LRP1B: variants seen among roughly 807,000 people sequenced by gnomAD.
The protein encoded by LRP1B is LDL receptor related protein 1B, also known as low-density lipoprotein receptor-related protein 1B.
LRP1B carries 217 observed loss-of-function variants against 556.6 expected under a neutral mutation model. The observed-to-expected ratio is 0.39, with a 90% CI of 0.35 to 0.44. The LOEUF is 0.44. Ranked by LOEUF, LRP1B falls within the 20% of genes least tolerant of loss-of-function variation. The pLI, the probability that LRP1B is intolerant of heterozygous loss-of-function variation, is 1.00. For synonymous variants in LRP1B, 2,047 were observed against 1,865.8 expected, an observed-to-expected ratio of 1.10 and a Z score of -2.50; for missense variants, 5,053 against 5,620.8, an observed-to-expected ratio of 0.90 and a Z score of 3.23.
intron 12 of LRP1B, among the ~76,000 whole-genome samples, chr2:141,017,686 T>C (rs929832767): frequency 6.6e-6 from 1 of 151,790 alleles, no homozygotes; most frequent in African/African-American, 2.4e-5. Flanking sequence ...CACACACATA[T>C]ATATATATGC....
intron 37 of LRP1B, among the ~76,000 whole-genome samples, chr2:140,705,554 A>C (rs13394396): frequency 0.15 from 17,496 of 119,544 alleles, 1,057 homozygotes; most frequent in African/African-American, 0.19. Context: ...AAAAAAAAAA[A>C]AAAAAACACA....
chr2:141,908,518 G>C (rs760184774), intron 1 of LRP1B, among the ~76,000 whole-genome samples: 3 of 151,896 alleles, frequency 2.0e-5, no homozygotes, highest in Non-Finnish European at 4.4e-5. Context: ...AATGTGCTGT[G>C]CTCATAGTAA....
chr2:141,514,635 T>G (rs1559114719), intron 2 of LRP1B, among the ~76,000 whole-genome samples: 2 of 152,132 alleles, frequency 1.3e-5, no homozygotes, highest in Non-Finnish European at 2.9e-5. Flanking sequence ...TATATCCCAA[T>G]AAAACCATCA....
chr2:140,786,333 G>A (rs1020147547), intron 32 of LRP1B, among the ~76,000 whole-genome samples: 5 of 152,122 alleles, frequency 3.3e-5, no homozygotes, highest in African/African-American at 1.2e-4. Context: ...AAAACTATTT[G>A]GAATGAGAGA....
At chr2:140,863,435 G>A (rs77231520) in intron 27 of LRP1B, among the ~76,000 whole-genome samples, 5,963 of 152,128 alleles carry the variant, frequency 0.039, 180 homozygotes, top group South Asian at 0.094. Flanking sequence ...TCTGGGTAAC[G>A]CCCCCCAATA....
intron 2 of LRP1B, among the ~76,000 whole-genome samples, chr2:141,561,088 A>G (rs1256534323): frequency 6.6e-6 from 1 of 151,690 alleles, no homozygotes; most frequent in Non-Finnish European, 1.5e-5. Flanking sequence ...AAAGATTATG[A>G]GCTTTTTGAA....
intron 1 of LRP1B, among the ~76,000 whole-genome samples, chr2:141,975,221 A>G (rs1465225415): frequency 6.6e-6 from 1 of 152,022 alleles, no homozygotes; most frequent in African/African-American, 2.4e-5. Context: ...TTTTTGACCA[A>G]AGTGACACTT....
intron 3 of LRP1B, among the ~76,000 whole-genome samples, chr2:141,478,303 T>C (rs12479203): frequency 0.96 from 145,833 of 152,220 alleles, 70,179 homozygotes; most frequent in East Asian, 1. Flanking sequence ...TGTGTAATCA[T>C]CTCTGATGAA....
chr2:140,257,292 C>A (rs1210371642), intron 86 of LRP1B, among the ~76,000 whole-genome samples: 2 of 151,980 alleles, frequency 1.3e-5, no homozygotes. Flanking sequence ...GAAAAGAGGT[C>A]TAATAAAGAC....
intron 25 of LRP1B, among the ~76,000 whole-genome samples, chr2:140,874,924 CG>C (rs1693258064): frequency 6.6e-6 from 1 of 151,368 alleles, no homozygotes; most frequent in East Asian, 2.0e-4. Context: ...GAGGCTGAGG[CG>C]GGAGAATTGC....
chr2:141,637,842 C>G (rs1689159910), intron 2 of LRP1B, among the ~76,000 whole-genome samples: 1 of 152,138 alleles, frequency 6.6e-6, no homozygotes, highest in Non-Finnish European at 1.5e-5. Context: ...GGGGGCAGAT[C>G]CCTTATGAAT....
At chr2:141,675,169 A>G (rs1258908530) in intron 2 of LRP1B, among the ~76,000 whole-genome samples, 1 of 151,982 alleles carries the variant, frequency 6.6e-6, no homozygotes, top group Non-Finnish European at 1.5e-5. Context: ...TGTACACTAA[A>G]TGCACTGCAA....
intron 7 of LRP1B, among the ~76,000 whole-genome samples, chr2:141,172,406 T>A (rs1249459): frequency 1 from 151,831 of 152,204 alleles, 75,729 homozygotes; most frequent in Middle Eastern, 1. Context: ...TGCAGCTCAG[T>A]TACGTTATGA....
intron 2 of LRP1B, among the ~76,000 whole-genome samples, chr2:141,537,725 T>C (rs956457769): frequency 6.6e-6 from 1 of 152,166 alleles, no homozygotes; most frequent in Non-Finnish European, 1.5e-5. Flanking sequence ...GAATGTATGA[T>C]GCTAATTTAC....
intron 42 of LRP1B, 128 bp downstream of exon 42, chr2:140,601,322 T>C: frequency 1.1e-6 from 1 of 901,186 alleles, no homozygotes; most frequent in Non-Finnish European, 1.5e-6. Flanking sequence ...AAAAAAGTTT[T>C]ATGAATTGTG....
chr2:140,462,042 C>T (rs1687346789), intron 60 of LRP1B, among the ~76,000 whole-genome samples: 2 of 152,060 alleles, frequency 1.3e-5, no homozygotes, highest in Non-Finnish European at 1.5e-5. Context: ...ATCAGTGATC[C>T]ATTAAGGTCA....
intron 66 of LRP1B, among the ~76,000 whole-genome samples, chr2:140,430,433 A>T (rs189227588): frequency 3.6e-4 from 55 of 152,306 alleles, no homozygotes; most frequent in African/African-American, 1.2e-3. Context: ...AGGCCGCTTC[A>T]CTTCCAAAGG....
At chr2:141,523,051 T>C (rs995120224) in intron 2 of LRP1B, among the ~76,000 whole-genome samples, 1 of 152,124 alleles carries the variant, frequency 6.6e-6, no homozygotes, top group Non-Finnish European at 1.5e-5. Flanking sequence ...ACCACCAGTT[T>C]ATTTTCTTCT....
At chr2:141,087,295 C>A (rs1038647411) in intron 7 of LRP1B, among the ~76,000 whole-genome samples, 1 of 152,126 alleles carries the variant, frequency 6.6e-6, no homozygotes, top group Non-Finnish European at 1.5e-5. Context: ...GTCAGCCTAT[C>A]GGACCTGGAG....
Sources: gnomAD v4.1 joint callset for allele counts (sites outside exome capture counted in the v4.1 genomes callset) on GRCh38, gnomAD v4.1.1 for gene constraint, MANE v1.5 for transcripts, NCBI Gene and HGNC (gene_info 2026-07-23, HGNC 2026-07-21) for gene names.